TET1: variants seen among roughly 807,000 people sequenced by gnomAD.
TET1 encodes the protein tet methylcytosine dioxygenase 1, also known as methylcytosine dioxygenase TET1.
A neutral mutation model predicts 148.7 loss-of-function variants in TET1; 13 were observed. That is an observed-to-expected ratio of 0.09 (90% CI 0.06 to 0.14). TET1 has a LOEUF of 0.14. Among genes scored for constraint, TET1 ranks in the 10% least tolerant of loss-of-function variants. The probability of loss-of-function intolerance (pLI) is 1.00; values close to 1 mark genes in which losing one functional copy is unlikely to be tolerated. For missense variants in TET1, 2,182 were observed against 2,553.8 expected (o/e 0.85, Z 3.14); for synonymous variants, 907 against 937.2 (o/e 0.97, Z 0.59).
rs982981115 is a variant in TET1 at position 68,601,048 on chromosome 10, G to T, written c.1968+14G>T. Reference sequence around the variant, plus strand: ...AAAGTTTTAAAGGTAATCAGCTGTTGATTAAATAATATTTCATTATTTTTC... The same window carrying T: ...AAAGTTTTAAAGGTAATCAGCTGTTTATTAAATAATATTTCATTATTTTTC... On this transcript the variant is annotated intron_variant, in intron 3 of 11. Transcript: ENST00000373644. The T allele has an allele frequency of 2.5e-6, 4 of 1,588,372 alleles. No homozygotes were observed. The highest frequency in any genetic ancestry group is 3.4e-6 in the Non-Finnish European group (4 of 1,170,356).
intron 1 of TET1, among the ~76,000 whole-genome samples, chr10:68,569,203 A>T (rs370871774): frequency 9.4e-6 from 1 of 106,324 alleles, no homozygotes; most frequent in African/African-American, 3.8e-5. Flanking sequence ...GATGGAGTCT[A>T]GCTCTGTCAC....
chr10:68,653,366 C>T (rs1005467247), intron 6 of TET1, among the ~76,000 whole-genome samples: 1 of 152,104 alleles, frequency 6.6e-6, no homozygotes, highest in African/African-American at 2.4e-5. Context: ...TGAGATTGCT[C>T]TAATTATTTA....
intron 2 of TET1, among the ~76,000 whole-genome samples, chr10:68,592,184 CGG>C (rs1298645452): frequency 2.4e-4 from 37 of 151,418 alleles, no homozygotes; most frequent in African/African-American, 8.5e-4. Flanking sequence ...GGCATGGTGG[CGG>C]GCGCCTGTAA....
chr10:68,652,571 C>T lies in TET1; in HGVS notation c.4438C>T (p.His1480Tyr), dbSNP rs1222840301. Residue 1480 changes from histidine to tyrosine, a missense_variant, in exon 6 of 12, where the codon CAT becomes TAT. His to Tyr is a moderately conservative substitution (Grantham distance 83). Around this residue, in one of 11 missense-constraint regions of TET1, gnomAD observed 169 missense variants for 263.7 expected, o/e 0.64. Transcript: ENST00000373644. ...CACCGGTAAAGAAGGGAAAAGCTCT[C>T]ATGGGTGTCCAATTGCTAAGTGGGT... ...VYTGKEGKSS[H>Y]GCPIAKWVLR... 2 of 1,611,160 alleles carry T rather than the reference C, an allele frequency of 1.2e-6. No homozygotes were observed. The highest frequency in any genetic ancestry group is 2.2e-5 in the East Asian group (1 of 44,764).
chr10:68,691,657 A>G lies in TET1; in HGVS notation c.6254A>G (p.Asp2085Gly), dbSNP rs1308468822. The change falls in exon 12 of 12, where the codon GAC becomes GGC. Residue 2085 changes from aspartate (D) to glycine (G), a missense_variant. Asp to Gly is a moderately conservative substitution (Grantham distance 94). Coordinates refer to ENST00000373644, the MANE Select transcript of TET1 (RefSeq NM_030625.3). This position sits in a 1 kb window ranked among gnomAD's most constrained non-coding sequence, Gnocchi z 4.4. ...AAAATGAAGGCCTCAGAGCAAAAAG[A>G]CCAGGCAGCTAATGAAGGTCCAGAA... ...NKKMKASEQK[D>G]QAANEGPEQS... is the part of the protein sequence containing the mutation. 1 of 1,614,216 alleles carries G rather than the reference A, an allele frequency of 6.2e-7. No homozygotes were observed. The highest frequency in any genetic ancestry group is 1.7e-5 in the Admixed American group (1 of 60,024).
In TET1 at chr10:68,573,762, A is replaced by C; in HGVS notation, c.1424A>C (p.His475Pro). The C allele has an allele frequency of 6.2e-7, 1 of 1,614,102 alleles. No individual in the cohort carries two copies. Among genetic ancestry groups the C allele is most frequent in the Non-Finnish European group, 8.5e-7 (1 of 1,180,032 alleles). The change falls in exon 2 of 12, where the codon CAC becomes CCC. Residue 475 changes from histidine to proline, a missense_variant. Physicochemically the swap from His to Pro is moderately conservative, Grantham distance 77. Coordinates refer to ENST00000373644, the MANE Select transcript of TET1 (RefSeq NM_030625.3). ...AIQILPLGSG[H>P]TPQSSSNSEK... ...CAGATTTTGCCTTTGGGCTCAGGAC[A>C]CACTCCTCAATCATCATCAAACTCA...
intron 4 of TET1, among the ~76,000 whole-genome samples, chr10:68,648,241 A>G (rs2054880817): frequency 6.6e-6 from 1 of 152,226 alleles, no homozygotes. Context: ...AAAGATTCTC[A>G]GGCAGACCTT....
intron 1 of TET1, among the ~76,000 whole-genome samples, chr10:68,564,060 T>C (rs1293492902): frequency 1.3e-5 from 2 of 152,176 alleles, no homozygotes; most frequent in African/African-American, 4.8e-5. Flanking sequence ...TAAAAGTTAG[T>C]TGGGTTATTA....
chr10:68,585,899 T>A (rs567501033), intron 2 of TET1, among the ~76,000 whole-genome samples: 1 of 151,264 alleles, frequency 6.6e-6, no homozygotes, highest in African/African-American at 2.4e-5. Context: ...TCCCAGCTAC[T>A]CAGGAGGCTG....
intron 2 of TET1, among the ~76,000 whole-genome samples, chr10:68,583,348 T>A (rs1031123740): frequency 1.3e-5 from 2 of 152,098 alleles, no homozygotes; most frequent in Non-Finnish European, 2.9e-5. Context: ...GGAGAAAGCA[T>A]CTCCTTTTGC....
rs2055611268 is a variant in TET1, at chr10:68,692,858, G to A, written c.*1044G>A. 1 of 231,524 alleles carries A rather than the reference G, an allele frequency of 4.3e-6. No homozygotes were observed. The highest frequency in any genetic ancestry group is 2.2e-5 in the African/African-American group (1 of 45,164). The allele number at this position is 231,524 out of a possible 1,614,324, so 14.3% of individuals were successfully genotyped here. ...AGGGAACAGGATAGGTTTCAGAAGAGTCAAATGCTTCTAATGTCTCAAGGT... is the reference window on the plus strand; with the variant it reads ...AGGGAACAGGATAGGTTTCAGAAGAATCAAATGCTTCTAATGTCTCAAGGT... On this transcript the variant is annotated 3_prime_UTR_variant, in exon 12 of 12. Coordinates refer to ENST00000373644, the MANE Select transcript of TET1 (RefSeq NM_030625.3).
intron 2 of TET1, among the ~76,000 whole-genome samples, chr10:68,596,027 C>CACACACACACAT (rs71470531): frequency 1.6e-5 from 1 of 61,758 alleles, no homozygotes; most frequent in African/African-American, 7.0e-5. Context: ...CACACACACA[C>CACACACACACAT]ATATATATAT....
In TET1 at chr10:68,601,034, G is replaced by T; in HGVS notation, c.1968G>T (p.Lys656Asn). Residue 656 changes from lysine to asparagine, a missense_variant and splice_region_variant, in exon 3 of 12, where the codon AAG (lysine) becomes AAT (asparagine). Transcript: ENST00000373644. ...GGGAAAAGAAGCCCAAAGTTTTAAAGGTAATCAGCTGTTGATTAAATAATA... is the reference window on the plus strand; with the variant it reads ...GGGAAAAGAAGCCCAAAGTTTTAAATGTAATCAGCTGTTGATTAAATAATA... ...PQREKKPKVL[K>N]ADFDNKPVNG... 6.3e-7 allele frequency: 1 copy of T among 1,599,680 alleles called. No individual in the cohort carries two copies. Among genetic ancestry groups the T allele is most frequent in the Non-Finnish European group, 8.5e-7 (1 of 1,175,880 alleles).
intron 8 of TET1, chr10:68,674,824 A>G (rs1055148815): frequency 2.1e-6 from 1 of 477,368 alleles, no homozygotes; most frequent in African/African-American, 2.0e-5. Flanking sequence ...AGTTGATGGA[A>G]ATCATGACCC....
Position 68,616,953 on chromosome 10 carries a change from C to T in TET1, c.1968+15919C>T, listed in dbSNP as rs1371814664. Among the ~76,000 whole-genome samples, 5 of 148,268 alleles carry T rather than the reference C, an allele frequency of 3.4e-5. No individual in the cohort carries two copies. In the East Asian group the frequency reaches 5.9e-4, roughly 18 times the overall value. On this transcript the variant is annotated intron_variant, in intron 3 of 11. Coordinates refer to ENST00000373644, the MANE Select transcript of TET1 (RefSeq NM_030625.3). ...CAATCTCCTGACCTCGTGATCCACC[C>T]GCCTCGGCCTCCCAAAGTCCTGGGA... is the stretch of plus-strand genomic sequence containing the variant.
At chr10:68,634,862 A>G (rs942224612) in intron 3 of TET1, among the ~76,000 whole-genome samples, 1 of 152,174 alleles carries the variant, frequency 6.6e-6, no homozygotes, top group Admixed American at 6.5e-5. Context: ...CCCAGGTTCA[A>G]GCAATTCTCC....
intron 3 of TET1, among the ~76,000 whole-genome samples, chr10:68,617,992 G>A (rs2054319737): frequency 1.3e-5 from 2 of 151,154 alleles, no homozygotes; most frequent in African/African-American, 4.9e-5. Flanking sequence ...TACAATTATG[G>A]CTCATTGTAG....
At chr10:68,685,586 G>A (rs2055498051) in intron 10 of TET1, among the ~76,000 whole-genome samples, 1 of 152,026 alleles carries the variant, frequency 6.6e-6, no homozygotes, top group African/African-American at 2.4e-5. Flanking sequence ...TAAAATGTTA[G>A]TTTTTAAAGC....
At chr10:68,624,099 C>CTTTTTTTTTTTTTTTT (rs773374173) in intron 3 of TET1, among the ~76,000 whole-genome samples, 2 of 148,030 alleles carry the variant, frequency 1.4e-5, no homozygotes. Flanking sequence ...TTCTTTCTTT[C>CTTTTTTTTTTTTTTTT]TTTTCTTTTT....
Sources: allele counts gnomAD v4.1 joint callset (sites outside exome capture counted in the v4.1 genomes callset), GRCh38; gene constraint gnomAD v4.1.1; regional missense constraint gnomAD v4.1.1; non-coding constraint Gnocchi (gnomAD v3.1); transcripts MANE v1.5; gene names NCBI Gene and HGNC (gene_info 2026-07-23, HGNC 2026-07-21).